The following HADHA variants were observed in gnomAD, a reference collection of about 807,000 sequenced individuals.
HADHA encodes hydroxyacyl-CoA dehydrogenase trifunctional multienzyme complex subunit alpha.
Under a neutral mutation model 91.3 loss-of-function variants are expected in HADHA, and 59 were observed. The observed-to-expected ratio is 0.65, with a 90% CI of 0.52 to 0.80. The LOEUF is 0.80. HADHA is among the 30% of genes least tolerant of loss of function. The probability of loss-of-function intolerance (pLI) is 0.00; values close to 1 mark genes in which losing one functional copy is unlikely to be tolerated. For missense variants in HADHA, 800 were observed against 927.6 expected (o/e 0.86, Z 1.79); for synonymous variants, 320 against 338.9 (o/e 0.94, Z 0.61).
chr2:26,236,834 T>C (rs773740775), intron 4 of HADHA, 21 bp downstream of exon 4: 25 of 1,594,928 alleles, frequency 1.6e-5, no homozygotes, highest in Non-Finnish European at 8.6e-7. Context: ...AAAAGGTGAC[T>C]TCAAGTTTCC....
chr2:26,228,110 A>T (rs1670526050), intron 7 of HADHA, among the ~76,000 whole-genome samples: 1 of 151,390 alleles, frequency 6.6e-6, no homozygotes. Context: ...ACCCAACAGA[A>T]ATGAAACATT....
rs144770243 is a variant in HADHA, at chr2:26,209,286, G to A, written c.1085+494C>T. On this transcript the variant is annotated intron_variant, in intron 11 of 19. Coordinates refer to ENST00000380649, the MANE Select transcript of HADHA (RefSeq NM_000182.5). ...AGACTCTGAAGAGCTATTAGGCAGC[G>A]TAATATGGAAAAAGGCTGGCTTATG... Among the ~76,000 whole-genome samples the A allele has an allele frequency of 3.3e-5, 5 of 152,256 alleles. No individual in the cohort carries two copies. In the East Asian group the frequency reaches 5.8e-4, roughly 18 times the overall value.
At chr2:26,201,809 T>C (rs997992152) in intron 12 of HADHA, among the ~76,000 whole-genome samples, 1 of 152,102 alleles carries the variant, frequency 6.6e-6, no homozygotes, top group Non-Finnish European at 1.5e-5. Flanking sequence ...TTTATTTATT[T>C]TTTGAGACGG....
intron 6 of HADHA, 149 bp downstream of exon 6, chr2:26,232,011 G>T: frequency 2.3e-5 from 12 of 529,830 alleles, no homozygotes; most frequent in Non-Finnish European, 3.1e-5. Flanking sequence ...GAAAAAATAA[G>T]TACCAGGAAT....
chr2:26,201,214 T>G lies in HADHA; in HGVS notation c.1327A>C (p.Met443Leu). 1.2e-6 allele frequency: 2 copies of G among 1,613,842 alleles called. No homozygotes were observed. The highest frequency in any genetic ancestry group is 1.7e-6 in the Non-Finnish European group (2 of 1,179,686). The change falls in exon 13 of 20, where the codon ATG becomes CTG. Residue 443 changes from methionine to leucine, a missense_variant. Coordinates refer to ENST00000380649, the MANE Select transcript of HADHA (RefSeq NM_000182.5). ...LDYQGFEKAD[M>L]VIEAVFEDLS... ...TCCTCAAACACAGCTTCAATCACCA[T>G]GTCGGCCTTTTCAAAACCTTGGTAA... is the stretch of plus-strand genomic sequence containing the variant.
intron 16 of HADHA, 93 bp from the exon 17 acceptor site, chr2:26,193,865 A>C (rs1469538563): frequency 2.1e-6 from 2 of 967,714 alleles, no homozygotes; most frequent in African/African-American, 3.2e-5. Flanking sequence ...TGCCTTGTGT[A>C]AAACCCACTT....
In HADHA at chr2:26,196,782, C is replaced by T. The variant is rs541982445; in HGVS notation, c.1479+909G>A. On this transcript the variant is annotated intron_variant, in intron 14 of 19. Coordinates refer to ENST00000380649, the MANE Select transcript of HADHA (RefSeq NM_000182.5). Reference sequence around the variant, plus strand: ...GAGGTTACCATCAAATGAACAGCAACGGCATCGCCTGTACTGATTTTAGAT... The same window carrying T: ...GAGGTTACCATCAAATGAACAGCAATGGCATCGCCTGTACTGATTTTAGAT... Among the ~76,000 whole-genome samples the T allele has an allele frequency of 2.2e-4, 34 of 152,270 alleles. 1 individual carries two copies. The South Asian group carries it at 5.8e-3, about 26-fold the overall frequency.
chr2:26,219,688 A>C (rs1159526762), intron 7 of HADHA, among the ~76,000 whole-genome samples: 1 of 152,214 alleles, frequency 6.6e-6, no homozygotes, highest in Non-Finnish European at 1.5e-5. Flanking sequence ...AAGTAGCAGC[A>C]CCATGCCAAA....
Position 26,191,133 on chromosome 2 carries a change from C to T in HADHA, c.*117G>A. On this transcript the variant is annotated 3_prime_UTR_variant, in exon 20 of 20. Transcript: ENST00000380649. Reference sequence around the variant, plus strand: ...AAGGCACTTTAATCAGGGAGCAAACCCAGTGCCGGAGTTTGTCTTCTCGTT... The same window carrying T: ...AAGGCACTTTAATCAGGGAGCAAACTCAGTGCCGGAGTTTGTCTTCTCGTT... 2.1e-5 allele frequency: 22 copies of T among 1,026,254 alleles called. No homozygotes were observed. The highest frequency in any genetic ancestry group is 3.0e-5 in the Non-Finnish European group (20 of 665,804). 63.6% of individuals were successfully genotyped at this position (1,026,254 alleles called of 1,614,324 possible). A position where few individuals can be genotyped will look rare whatever the true frequency, so the allele number is the denominator to read the frequency against.
intron 12 of HADHA, 79 bp from the exon 13 acceptor site, chr2:26,201,399 C>G (rs1373887337): frequency 2.1e-6 from 2 of 952,368 alleles, no homozygotes; most frequent in Non-Finnish European, 1.7e-6. Context: ...CAGAGCACAC[C>G]TGTGTTTTTC....
Position 26,229,518 on chromosome 2 carries a change from C to T in HADHA, c.676+674G>A, listed in dbSNP as rs1486210696. Reference sequence around the variant, plus strand: ...AGAAACTGAATGGGAGGAAGTAGCCCATCAGTAGATATCAATTATTGTTAA... The same window carrying T: ...AGAAACTGAATGGGAGGAAGTAGCCTATCAGTAGATATCAATTATTGTTAA... On this transcript the variant is annotated intron_variant, in intron 7 of 19. Transcript: ENST00000380649. The surrounding 1 kb of genome is among the most constrained non-coding windows in gnomAD (Gnocchi z 4.3). 6.6e-6 allele frequency among the ~76,000 whole-genome samples: 1 copy of T among 152,034 alleles called. No homozygotes were observed. The highest frequency in any genetic ancestry group is 1.5e-5 in the Non-Finnish European group (1 of 67,994).
chr2:26,231,404 T>C (rs1173602154), intron 6 of HADHA, among the ~76,000 whole-genome samples: 2 of 152,162 alleles, frequency 1.3e-5, no homozygotes, highest in Non-Finnish European at 2.9e-5. Context: ...TGACTGTCCT[T>C]CCCTTCTCCT....
chr2:26,191,776 G>A, intron 18 of HADHA, 148 bp from the exon 19 acceptor site: 1 of 797,518 alleles, frequency 1.3e-6, no homozygotes, highest in Non-Finnish European at 2.2e-6. Flanking sequence ...CTGCCTGGGT[G>A]AACCAAACTT....
chr2:26,192,077 T>C (rs1401863253), intron 18 of HADHA, among the ~76,000 whole-genome samples: 2 of 152,166 alleles, frequency 1.3e-5, no homozygotes, highest in Non-Finnish European at 2.9e-5. Flanking sequence ...TGCGAGGGCC[T>C]TCCACTTGGA....
chr2:26,222,076 A>G (rs1402246299), intron 7 of HADHA, among the ~76,000 whole-genome samples: 1 of 152,172 alleles, frequency 6.6e-6, no homozygotes, highest in African/African-American at 2.4e-5. Context: ...GTAATTGGGG[A>G]TAGGGCCTTT....
Position 26,197,864 on chromosome 2 carries a change from C to T in HADHA, c.1393-87G>A, listed in dbSNP as rs563051653. 3.1e-5 allele frequency: 24 copies of T among 776,446 alleles called. 1 individual carries two copies. The South Asian group carries it at 3.3e-4, about 11-fold the overall frequency. 48.1% of individuals were successfully genotyped at this position (776,446 alleles called of 1,614,324 possible). On this transcript the variant is annotated intron_variant, in intron 13 of 19. Transcript: ENST00000380649. Reference sequence around the variant, plus strand: ...TCAAAGCTAATGAGTGACACCTGGGCCCAGCCCACTCTGTCCCCCACAACT... The same window carrying T: ...TCAAAGCTAATGAGTGACACCTGGGTCCAGCCCACTCTGTCCCCCACAACT...
chr2:26,239,018 A>T lies in HADHA; in HGVS notation c.110-14T>A, dbSNP rs750398138. Reference sequence around the variant, plus strand: ...TATGGGTTCTGGCTAAAAAGAAAAGAAAGATTTATTTGTAAACATATTTAT... The same window carrying T: ...TATGGGTTCTGGCTAAAAAGAAAAGTAAGATTTATTTGTAAACATATTTAT... On this transcript the variant is annotated splice_polypyrimidine_tract_variant and intron_variant, in intron 2 of 19. Coordinates refer to ENST00000380649, the MANE Select transcript of HADHA (RefSeq NM_000182.5). 6.9e-6 allele frequency: 11 copies of T among 1,596,362 alleles called. No individual in the cohort carries two copies. Among genetic ancestry groups the T allele is most frequent in the East Asian group, 2.2e-5 (1 of 44,750 alleles).
At chr2:26,212,339 G>A (rs570647018) in intron 10 of HADHA, 20 of 521,530 alleles carry the variant, frequency 3.8e-5, no homozygotes, top group Admixed American at 6.3e-5. Context: ...TGCCCACCTC[G>A]GCCTCCCAGA....
chr2:26,191,757 G>C (rs1669512657), intron 18 of HADHA, 129 bp from the exon 19 acceptor site: 1 of 912,424 alleles, frequency 1.1e-6, no homozygotes, highest in Admixed American at 1.8e-5. Flanking sequence ...CTGGCCCTCA[G>C]AGAAGATGCT....
Sources: gnomAD v4.1 joint callset for allele counts (sites outside exome capture counted in the v4.1 genomes callset) on GRCh38, gnomAD v4.1.1 for gene constraint, Gnocchi (gnomAD v3.1) non-coding constraint, MANE v1.5 for transcripts, NCBI Gene and HGNC (gene_info 2026-07-23, HGNC 2026-07-21) for gene names.